Variants in USP13 observed in about 807,000 individuals in gnomAD.
The protein encoded by USP13 is ubiquitin carboxyl-terminal hydrolase 13.
A neutral mutation model predicts 107.8 loss-of-function variants in USP13; 68 were observed. That is an observed-to-expected ratio of 0.63 (90% CI 0.52 to 0.77). The LOEUF is 0.77. Ranked by LOEUF, USP13 falls within the 30% of genes least tolerant of loss-of-function variation. USP13 has a pLI of 0.00. For synonymous variants in USP13, 377 were observed against 389.5 expected (o/e 0.97, Z 0.38); for missense variants, 945 against 1,093.3 (o/e 0.86, Z 1.91).
intron 1 of USP13, among the ~76,000 whole-genome samples, chr3:179,659,459 G>T (rs1159576235): frequency 1.3e-5 from 2 of 152,126 alleles, no homozygotes; most frequent in Non-Finnish European, 2.9e-5. Flanking sequence ...GGGGGTGGGG[G>T]TGTAGCAGTC....
chr3:179,739,496 C>T (rs1378233335), intron 10 of USP13, among the ~76,000 whole-genome samples: 1 of 152,238 alleles, frequency 6.6e-6, no homozygotes, highest in Non-Finnish European at 1.5e-5. Context: ...GGGTCCTCTC[C>T]TATACCCTCA....
intron 10 of USP13, among the ~76,000 whole-genome samples, chr3:179,731,631 G>A (rs1411498737): frequency 6.6e-6 from 1 of 152,130 alleles, no homozygotes; most frequent in Non-Finnish European, 1.5e-5. Flanking sequence ...ATTTCCACTG[G>A]ACCCTCCCTA....
rs768513952 is a variant in USP13 at position 179,740,303 on chromosome 3, C to T, written c.1311C>T (p.His437=). 5 of 1,614,140 alleles carry T rather than the reference C, an allele frequency of 3.1e-6. No individual in the cohort carries two copies. In the South Asian group the frequency reaches 5.5e-5, roughly 18 times the overall value. ...RMFKAFVSKS[H]PEFSSNRQQD... is the part of the protein sequence containing the mutation. ...TTAAGGCCTTTGTAAGCAAGAGCCA[C>T]CCGGAATTCTCCTCTAACAGGCAGC... Residue 437 remains histidine, a synonymous_variant, in exon 11 of 21, where the codon CAC becomes CAT. Transcript: ENST00000263966.
chr3:179,715,522 G>A (rs145749897), intron 6 of USP13, among the ~76,000 whole-genome samples: 6,128 of 151,320 alleles, frequency 0.04, 365 homozygotes, highest in African/African-American at 0.13. Flanking sequence ...GCACAACCAC[G>A]CCCAGCTAAT....
At chr3:179,659,176 A>G (rs1576905266) in intron 1 of USP13, among the ~76,000 whole-genome samples, 1 of 152,138 alleles carries the variant, frequency 6.6e-6, no homozygotes, top group East Asian at 1.9e-4. Context: ...GACAGGGGCC[A>G]TCAGGTGGGA....
At chr3:179,740,043 T>C (rs761767901) in intron 10 of USP13, among the ~76,000 whole-genome samples, 4 of 152,166 alleles carry the variant, frequency 2.6e-5, no homozygotes, top group Non-Finnish European at 4.4e-5. Context: ...AGTCTCATCC[T>C]GTGTTCTTCA....
intron 1 of USP13, among the ~76,000 whole-genome samples, chr3:179,664,552 T>C (rs998210111): frequency 6.6e-6 from 1 of 152,168 alleles, no homozygotes; most frequent in South Asian, 2.1e-4. Context: ...CTCAGGGAGA[T>C]GACAAGAGGA....
intron 8 of USP13, among the ~76,000 whole-genome samples, chr3:179,722,467 A>G (rs557821874): frequency 1.3e-5 from 2 of 152,202 alleles, no homozygotes; most frequent in South Asian, 4.1e-4. Context: ...TTTTCTAATA[A>G]TTTCTTGGAA....
intron 13 of USP13, among the ~76,000 whole-genome samples, chr3:179,751,221 C>G (rs1172809367): frequency 6.6e-6 from 1 of 152,166 alleles, no homozygotes; most frequent in Non-Finnish European, 1.5e-5. Context: ...GTTGAACAGT[C>G]TGTGTATAAA....
chr3:179,705,928 A>G (rs1341575203), intron 4 of USP13, among the ~76,000 whole-genome samples: 2 of 152,030 alleles, frequency 1.3e-5, no homozygotes, highest in Non-Finnish European at 2.9e-5. Flanking sequence ...TCACCACGTT[A>G]GCCAGGCTGG....
rs144162544 is a variant in USP13 at position 179,757,079 on chromosome 3, G to A, written c.1948+1G>A. ...CGCCTGATGAACCAATTGATAGACC[G>A]TATGTATCTTTAAAAATGTTTCTCA... On this transcript the variant is annotated splice_donor_variant, in intron 16 of 20. Transcript: ENST00000263966. LOFTEE classifies it high-confidence loss of function. The A allele has an allele frequency of 7.4e-5, 119 of 1,613,572 alleles. No individual in the cohort carries two copies. Among genetic ancestry groups the A allele is most frequent in the Admixed American group, 1.8e-4 (11 of 59,956 alleles).
intron 3 of USP13, among the ~76,000 whole-genome samples, chr3:179,691,593 T>C (rs771349099): frequency 1.3e-5 from 2 of 152,202 alleles, no homozygotes; most frequent in Non-Finnish European, 2.9e-5. Flanking sequence ...TTGATCATTG[T>C]TAAGGTAGTG....
intron 10 of USP13, among the ~76,000 whole-genome samples, chr3:179,737,788 G>A (rs1001928166): frequency 5.3e-5 from 8 of 152,152 alleles, no homozygotes; most frequent in South Asian, 2.1e-4. Flanking sequence ...ATTTGTTATC[G>A]ATGCGTGTGT....
At position 179,658,161 on chromosome 3, in the gene USP13, G is replaced by A. The variant is rs375774539; in HGVS notation, c.168+4768G>A. On this transcript the variant is annotated intron_variant, in intron 1 of 20. Transcript: ENST00000263966. ...AGTAGAGACGGGGTTTCACTATGTT[G>A]GCCAGGCTGGTCCTGAACTCCTGAC... Among the ~76,000 whole-genome samples, 410 of 152,170 alleles carry A rather than the reference G, an allele frequency of 2.7e-3. 1 individual carries two copies. The highest frequency in any genetic ancestry group is 0.014 in the Middle Eastern group (4 of 294).
rs1045340848 is a variant in USP13, at chr3:179,785,629, A to T, written c.*1488A>T. 2.6e-5 allele frequency: 4 copies of T among 152,230 alleles called. No individual in the cohort carries two copies. The highest frequency in any genetic ancestry group is 4.4e-5 in the Non-Finnish European group (3 of 68,036). The allele number at this position is 152,230 out of a possible 1,614,324, so 9.4% of individuals were successfully genotyped here. A position where few individuals can be genotyped will look rare whatever the true frequency, so the allele number is the denominator to read the frequency against. ...ATCTTTTTAGAAACTGTAGGAAAAT[A>T]AACAGAACCAACCAGGTGAAACAAA... On this transcript the variant is annotated 3_prime_UTR_variant, in exon 21 of 21. Coordinates refer to ENST00000263966, the MANE Select transcript of USP13 (RefSeq NM_003940.3).
chr3:179,675,000 C>A (rs1289734839), intron 1 of USP13, among the ~76,000 whole-genome samples: 1 of 151,764 alleles, frequency 6.6e-6, no homozygotes, highest in Admixed American at 6.6e-5. Flanking sequence ...ACGGTGAAAC[C>A]CTGTCTCTAC....
chr3:179,705,488 T>C (rs1030058380), intron 4 of USP13, among the ~76,000 whole-genome samples: 3 of 152,314 alleles, frequency 2.0e-5, no homozygotes, highest in African/African-American at 7.2e-5. Flanking sequence ...TCTATAGATT[T>C]GTCTACTCTG....
At chr3:179,670,823 G>A (rs866773855) in intron 1 of USP13, among the ~76,000 whole-genome samples, 10 of 151,830 alleles carry the variant, frequency 6.6e-5, no homozygotes, top group South Asian at 4.2e-4. Flanking sequence ...TCAGCCTCCC[G>A]AGTAGCTGGG....
At position 179,761,708 on chromosome 3, in the gene USP13, C is replaced by T. The variant is rs781670140; in HGVS notation, c.2092+453C>T. ...CTGCACTCTGGCCTGAGTGACAGAG[C>T]GAGACTCTGTCTCAAAAAAACAAAC... On this transcript the variant is annotated intron_variant, in intron 17 of 20. Transcript: ENST00000263966. Among the ~76,000 whole-genome samples, 98 of 151,942 alleles carry T rather than the reference C, an allele frequency of 6.4e-4. 1 individual carries two copies. The Middle Eastern group carries it at 0.01, about 16-fold the overall frequency.
Sources: allele counts gnomAD v4.1 joint callset (sites outside exome capture counted in the v4.1 genomes callset), GRCh38; gene constraint gnomAD v4.1.1; transcripts MANE v1.5; gene names NCBI Gene and HGNC (gene_info 2026-07-23, HGNC 2026-07-21).